EPHA5: variants seen among roughly 807,000 people sequenced by gnomAD.
EPHA5 encodes EPH receptor A5, also known as ephrin type-A receptor 5.
Under a neutral mutation model 105.0 loss-of-function variants are expected in EPHA5, and 60 were observed. The observed-to-expected ratio is 0.57, with a 90% CI of 0.46 to 0.71. EPHA5 has a LOEUF of 0.71. EPHA5 is among the 30% of genes least tolerant of loss of function. EPHA5 has a pLI of 0.00. For synonymous variants in EPHA5, 513 were observed against 449.1 expected (o/e 1.14, Z -1.80); for missense variants, 1,218 against 1,274.7 (o/e 0.96, Z 0.68).
At chr4:65,618,215 A>G (rs1453589176) in intron 2 of EPHA5, among the ~76,000 whole-genome samples, 2 of 152,166 alleles carry the variant, frequency 1.3e-5, no homozygotes, top group East Asian at 1.9e-4. Flanking sequence ...CTTGGTCCAA[A>G]TGAATACAGT....
chr4:65,336,186 A>G, intron 14 of EPHA5, 61 bp from the exon 15 acceptor site: 6 of 1,365,548 alleles, frequency 4.4e-6, no homozygotes, highest in Non-Finnish European at 5.9e-6. Flanking sequence ...GAATAGCTTT[A>G]AAAATGTCCC....
At chr4:65,607,506 C>T (rs992329404) in intron 2 of EPHA5, among the ~76,000 whole-genome samples, 2 of 150,744 alleles carry the variant, frequency 1.3e-5, no homozygotes, top group African/African-American at 4.9e-5. Context: ...AAAAAAACAT[C>T]AAAAAGTGGG....
intron 1 of EPHA5, among the ~76,000 whole-genome samples, chr4:65,667,494 A>G (rs1442736231): frequency 6.6e-6 from 1 of 152,082 alleles, no homozygotes; most frequent in Non-Finnish European, 1.5e-5. Context: ...CCCAAGCCCC[A>G]TCTCCGTGTA....
chr4:65,364,945 C>A, intron 11 of EPHA5, 72 bp downstream of exon 11: 1 of 1,258,336 alleles, frequency 7.9e-7, no homozygotes, highest in Non-Finnish European at 1.1e-6. Context: ...TTTCTCTTTA[C>A]CCTAAATTAA....
At position 65,321,425 on chromosome 4, in the gene EPHA5, G is replaced by A. The variant is rs1272594006; in HGVS notation, c.*2689C>T. 1.7e-5 allele frequency: 4 copies of A among 229,904 alleles called. No individual in the cohort carries two copies. The highest frequency in any genetic ancestry group is 3.4e-5 in the Non-Finnish European group (4 of 116,004). 14.2% of individuals were successfully genotyped at this position (229,904 alleles called of 1,614,324 possible). A position where few individuals can be genotyped will look rare whatever the true frequency, so the allele number is the denominator to read the frequency against. On this transcript the variant is annotated 3_prime_UTR_variant, in exon 17 of 17. Coordinates refer to ENST00000613740, the MANE Select transcript of EPHA5 (RefSeq NM_001281766.3). ...TTTCTCACACTTGCAGATGAGATTG[G>A]CATTTTCCAATTGGTGACATATACA...
intron 1 of EPHA5, among the ~76,000 whole-genome samples, chr4:65,667,007 G>T (rs112089948): frequency 6.6e-6 from 1 of 152,008 alleles, no homozygotes; most frequent in African/African-American, 2.4e-5. Flanking sequence ...CACAGTCTTT[G>T]GGAAATCACT....
chr4:65,442,348 A>C (rs1430983687), intron 5 of EPHA5, among the ~76,000 whole-genome samples: 2 of 152,188 alleles, frequency 1.3e-5, no homozygotes, highest in East Asian at 3.9e-4. Context: ...ATTATAGCAG[A>C]AGGCAACTGT....
chr4:65,401,930 A>AGAAAGAGAGAGAGAGG (rs1553909278), intron 8 of EPHA5, among the ~76,000 whole-genome samples: 31 of 151,406 alleles, frequency 2.0e-4, no homozygotes, highest in African/African-American at 7.0e-4. Context: ...AGAGAGAGAG[A>AGAAAGAGAGAGAGAGG]GAAAGAGAGA....
At chr4:65,411,034 T>G (rs1722859994) in intron 7 of EPHA5, among the ~76,000 whole-genome samples, 1 of 152,102 alleles carries the variant, frequency 6.6e-6, no homozygotes, top group African/African-American at 2.4e-5. Flanking sequence ...TTTGTTGATA[T>G]ATTGTTTTGT....
At chr4:65,327,660 A>C (rs2148787276) in intron 16 of EPHA5, among the ~76,000 whole-genome samples, 1 of 151,450 alleles carries the variant, frequency 6.6e-6, no homozygotes. Flanking sequence ...ACATGGATAA[A>C]TAAGATGATT....
intron 3 of EPHA5, among the ~76,000 whole-genome samples, chr4:65,514,316 T>C (rs1733900958): frequency 6.6e-6 from 1 of 152,174 alleles, no homozygotes; most frequent in South Asian, 2.1e-4. Context: ...TGGCCATGCC[T>C]GCGATTAGAG....
intron 8 of EPHA5, among the ~76,000 whole-genome samples, chr4:65,389,287 T>C (rs892239980): frequency 1.3e-5 from 2 of 152,064 alleles, no homozygotes; most frequent in East Asian, 3.9e-4. Context: ...TTGAACAACA[T>C]TAGCTTTGCA....
chr4:65,456,943 A>G (rs1327987246), intron 5 of EPHA5, among the ~76,000 whole-genome samples: 1 of 152,108 alleles, frequency 6.6e-6, no homozygotes. Context: ...TTGCTATCTC[A>G]TTGTAGCAAT....
intron 14 of EPHA5, 130 bp downstream of exon 14, chr4:65,347,924 G>T: frequency 1.0e-6 from 1 of 959,698 alleles, no homozygotes; most frequent in South Asian, 1.8e-5. Context: ...ACACAAAACA[G>T]ATCAGAGGGT....
chr4:65,398,639 C>G (rs1476205396), intron 8 of EPHA5, among the ~76,000 whole-genome samples: 2 of 152,134 alleles, frequency 1.3e-5, no homozygotes, highest in Non-Finnish European at 2.9e-5. Flanking sequence ...CTTTGGAAGC[C>G]CATAAAAACC....
At chr4:65,396,788 G>T (rs1331236147) in intron 8 of EPHA5, among the ~76,000 whole-genome samples, 1 of 152,126 alleles carries the variant, frequency 6.6e-6, no homozygotes, top group African/African-American at 2.4e-5. Flanking sequence ...GATCCTGAAG[G>T]ATAAGTTCAT....
intron 8 of EPHA5, among the ~76,000 whole-genome samples, chr4:65,379,637 T>C (rs1348887682): frequency 4.6e-5 from 7 of 151,712 alleles, no homozygotes; most frequent in Non-Finnish European, 8.8e-5. Flanking sequence ...TAGCTATTAC[T>C]CTTAATTTTA....
chr4:65,418,862 C>CTTTTTTTTT lies in EPHA5; in HGVS notation c.1527+1570_1527+1578dup, dbSNP rs575608289. On this transcript the variant is annotated intron_variant, in intron 6 of 16. Coordinates refer to ENST00000613740, the MANE Select transcript of EPHA5 (RefSeq NM_001281766.3). ...AACATTCAATACACTTACCTAAACT[C>CTTTTTTTTT]TTTTTTTTTTTTTTTTTTTTTTTTT... Among the ~76,000 whole-genome samples the CTTTTTTTTT allele has an allele frequency of 4.5e-3, 211 of 47,074 alleles. 33 individuals are homozygous for CTTTTTTTTT. Among genetic ancestry groups the CTTTTTTTTT allele is most frequent in the Non-Finnish European group, 4.7e-3 (133 of 28,354 alleles). The allele number at this position is 47,074 out of a possible 152,430, so 30.9% of individuals were successfully genotyped here.
intron 3 of EPHA5, among the ~76,000 whole-genome samples, chr4:65,525,455 C>T (rs1360746021): frequency 1.3e-5 from 2 of 151,388 alleles, no homozygotes; most frequent in African/African-American, 2.4e-5. Context: ...TATTTTTTTC[C>T]CCTGTCTACA....
Sources: gnomAD v4.1 joint callset for allele counts (sites outside exome capture counted in the v4.1 genomes callset) on GRCh38, gnomAD v4.1.1 for gene constraint, MANE v1.5 for transcripts, NCBI Gene and HGNC (gene_info 2026-07-23, HGNC 2026-07-21) for gene names.